Variants in SIAE observed in about 807,000 individuals in gnomAD.
The protein encoded by SIAE is sialic acid acetylesterase.
SIAE carries 39 observed loss-of-function variants against 52.6 expected under a neutral mutation model. The observed-to-expected ratio is 0.74, with a 90% CI of 0.57 to 0.97. SIAE has a LOEUF of 0.97. Ranked by LOEUF, SIAE falls within the 50% of genes least tolerant of loss-of-function variation. SIAE has a pLI of 0.00. For synonymous variants in SIAE, 233 were observed against 241.4 expected (o/e 0.97, Z 0.32); for missense variants, 592 against 662.1 (o/e 0.89, Z 1.16).
At chr11:124,654,402 G>A (rs543067878) in intron 4 of SIAE, 8 of 985,418 alleles carry the variant, frequency 8.1e-6, no homozygotes, top group East Asian at 2.3e-4. Flanking sequence ...AGCCCATGCC[G>A]AAGGGCCTTG....
chr11:124,644,700 T>C (rs1211783965), intron 7 of SIAE, among the ~76,000 whole-genome samples: 1 of 152,186 alleles, frequency 6.6e-6, no homozygotes, highest in Admixed American at 6.5e-5. Context: ...TCTGTTCAAC[T>C]GTTCCTCCAA....
intron 1 of SIAE, among the ~76,000 whole-genome samples, chr11:124,669,928 A>G (rs991454755): frequency 6.6e-6 from 1 of 152,080 alleles, no homozygotes; most frequent in Admixed American, 6.6e-5. Flanking sequence ...TCCTTTCCCT[A>G]CTTTCCATTA....
chr11:124,660,802 A>G lies in SIAE; in HGVS notation c.231T>C (p.Ala77=). The G allele has an allele frequency of 6.2e-7, 1 of 1,614,150 alleles. No individual in the cohort carries two copies. The highest frequency in any genetic ancestry group is 2.2e-5 in the East Asian group (1 of 44,880). Residue 77 remains alanine (A), a splice_region_variant and synonymous_variant, in exon 3 of 10, where the codon GCT becomes GCC. Coordinates refer to ENST00000263593, the MANE Select transcript of SIAE (RefSeq NM_170601.5). ...TIMKKVTSVK[A]HSDTWMVVLD... The stretch of plus-strand genomic sequence containing the variant: ...GTACCACCATCCACGTATCAGAGTG[A>G]GCTGAAATAGTAACAGGACTCCAAG...
chr11:124,648,005 T>C (rs775706284), intron 6 of SIAE, 61 bp downstream of exon 6: 107 of 1,243,748 alleles, frequency 8.6e-5, no homozygotes, highest in Non-Finnish European at 1.2e-4. Context: ...CGTTCTAGGG[T>C]GCTGTGTTAT....
At chr11:124,666,092 T>C (rs146849963) in intron 2 of SIAE, among the ~76,000 whole-genome samples, 3 of 152,304 alleles carry the variant, frequency 2.0e-5, no homozygotes, top group Non-Finnish European at 2.9e-5. Flanking sequence ...ACAACATCGT[T>C]TGAACCAACC....
chr11:124,642,208 C>T (rs1408391840), intron 7 of SIAE, among the ~76,000 whole-genome samples: 7 of 152,164 alleles, frequency 4.6e-5, no homozygotes, highest in Admixed American at 4.6e-4. Flanking sequence ...TGTGTGGCAT[C>T]TCAGGCATCC....
upstream of SIAE, chr11:124,675,525 C>A: frequency 1.7e-6 from 2 of 1,181,916 alleles, no homozygotes; most frequent in Non-Finnish European, 2.4e-6. Context: ...TTTTATGAGG[C>A]AGGGAGTTTC....
Position 124,645,117 on chromosome 11 carries a change from G to GTC in SIAE, c.966+2246_966+2247dup, listed in dbSNP as rs1038288569. 2.1e-4 allele frequency among the ~76,000 whole-genome samples: 32 copies of GTC among 152,268 alleles called. No individual in the cohort carries two copies. The highest frequency in any genetic ancestry group is 7.2e-4 in the African/African-American group (30 of 41,560). ...CACAGCTAGCATCTGAATGCACTTA[G>GTC]TCTAGCTCAGACTCAGTCTGAACCA... is the stretch of plus-strand genomic sequence containing the variant. On this transcript the variant is annotated intron_variant, in intron 7 of 9. Coordinates refer to ENST00000263593, the MANE Select transcript of SIAE (RefSeq NM_170601.5). This position sits in a 1 kb window ranked among gnomAD's most constrained non-coding sequence, Gnocchi z 4.7.
At chr11:124,641,999 CTT>C (rs998214641) in intron 7 of SIAE, among the ~76,000 whole-genome samples, 5 of 147,882 alleles carry the variant, frequency 3.4e-5, no homozygotes, top group Admixed American at 3.4e-4. Flanking sequence ...AAATAAAGGA[CTT>C]AACGCAGAGA....
In SIAE at chr11:124,637,111, C is replaced by A; in HGVS notation, c.1412G>T (p.Cys471Phe). The change falls in exon 10 of 10, where the codon TGT becomes TTT. Residue 471 changes from cysteine (C) to phenylalanine (F), a missense_variant. Coordinates refer to ENST00000263593, the MANE Select transcript of SIAE (RefSeq NM_170601.5). ...GCGGAGAGCAACCACAGTGCCATGA[C>A]AAGAATCGATCGCCAGGGTCAGGGA... is the stretch of plus-strand genomic sequence containing the variant. ...TQSLTLAIDS[C>F]HGTVVALRYA... is the part of the protein sequence containing the mutation. 1 of 1,614,128 alleles carries A rather than the reference C, an allele frequency of 6.2e-7. No individual in the cohort carries two copies. The highest frequency in any genetic ancestry group is 2.2e-5 in the East Asian group (1 of 44,874).
At position 124,636,458 on chromosome 11, in the gene SIAE, C is replaced by T. The variant is rs559828423; in HGVS notation, c.*493G>A. On this transcript the variant is annotated 3_prime_UTR_variant, in exon 10 of 10. Coordinates refer to ENST00000263593, the MANE Select transcript of SIAE (RefSeq NM_170601.5). ...CCACCTGTCAGGAATTTTGTAAAGA[C>T]GTCTACGGCCATATCACCCTGAACG... 3.2e-4 allele frequency: 53 copies of T among 166,388 alleles called. 1 individual carries two copies. The South Asian group carries it at 7.4e-3, about 23-fold the overall frequency. The allele number at this position is 166,388 out of a possible 1,614,324, so 10.3% of individuals were successfully genotyped here. A position where few individuals can be genotyped will look rare whatever the true frequency, so the allele number is the denominator to read the frequency against.
chr11:124,655,770 A>G (rs901244158), intron 3 of SIAE, among the ~76,000 whole-genome samples: 1 of 152,226 alleles, frequency 6.6e-6, no homozygotes, highest in Non-Finnish European at 1.5e-5. Flanking sequence ...CCCTTATACA[A>G]AATGGCATAT....
intron 1 of SIAE, among the ~76,000 whole-genome samples, chr11:124,672,775 C>G (rs1943385564): frequency 6.6e-6 from 1 of 152,134 alleles, no homozygotes; most frequent in African/African-American, 2.4e-5. Flanking sequence ...TTGTCTGAAT[C>G]TAGGTACTTT....
At chr11:124,669,567 T>A (rs1943320943) in intron 1 of SIAE, 46 bp from the exon 2 acceptor site, 4 of 1,541,408 alleles carry the variant, frequency 2.6e-6, no homozygotes, top group Non-Finnish European at 3.6e-6. Flanking sequence ...CGGAGAGATA[T>A]AGCACCAACT....
intron 1 of SIAE, among the ~76,000 whole-genome samples, chr11:124,672,952 T>C (rs1453292535): frequency 6.6e-6 from 1 of 152,214 alleles, no homozygotes; most frequent in African/African-American, 2.4e-5. Flanking sequence ...AGATTGCACC[T>C]TCTGCTTTCT....
chr11:124,668,202 C>A (rs1463287587), intron 2 of SIAE, among the ~76,000 whole-genome samples: 1 of 152,170 alleles, frequency 6.6e-6, no homozygotes, highest in African/African-American at 2.4e-5. Context: ...GGCCCAGGTA[C>A]ACTCAGGCCT....
At position 124,636,826 on chromosome 11, in the gene SIAE, C is replaced by CT; in HGVS notation, c.*124dup. ...GAATATAGAAACAGCCATGTGCTAG[C>CT]TGAAAGCCATTCAATGAGGCTTTCT... On this transcript the variant is annotated 3_prime_UTR_variant, in exon 10 of 10. Transcript: ENST00000263593. 1 of 1,352,298 alleles carries CT rather than the reference C, an allele frequency of 7.4e-7. No individual in the cohort carries two copies. 83.8% of individuals were successfully genotyped at this position (1,352,298 alleles called of 1,614,324 possible). A position where few individuals can be genotyped will look rare whatever the true frequency, so the allele number is the denominator to read the frequency against.
intron 8 of SIAE, 85 bp from the exon 9 acceptor site, chr11:124,638,822 C>T: frequency 9.3e-7 from 1 of 1,070,034 alleles, no homozygotes; most frequent in Non-Finnish European, 1.4e-6. Flanking sequence ...ATACAAAGCA[C>T]CCTTTATGAA....
chr11:124,638,654 G>A lies in SIAE; in HGVS notation c.1208C>T (p.Thr403Ile). 6.2e-7 allele frequency: 1 copy of A among 1,614,032 alleles called. No individual in the cohort carries two copies. The highest frequency in any genetic ancestry group is 8.5e-7 in the Non-Finnish European group (1 of 1,180,006). ...CTTCTCAGGCAGTGGTCCTTCAAAGGTCAAATTCTTCTCACCATAAGCCAG... is the reference window on the plus strand; with the variant it reads ...CTTCTCAGGCAGTGGTCCTTCAAAGATCAAATTCTTCTCACCATAAGCCAG... ...RALAYGEKNL[T>I]FEGPLPEKIE... The change falls in exon 9 of 10, where the codon ACC becomes ATC. Residue 403 changes from threonine (T) to isoleucine (I), a missense_variant. Physicochemically the swap from Thr to Ile is moderately conservative, Grantham distance 89. Coordinates refer to ENST00000263593, the MANE Select transcript of SIAE (RefSeq NM_170601.5).
Sources: allele counts gnomAD v4.1 joint callset (sites outside exome capture counted in the v4.1 genomes callset), GRCh38; gene constraint gnomAD v4.1.1; non-coding constraint Gnocchi (gnomAD v3.1); transcripts MANE v1.5; gene names NCBI Gene and HGNC (gene_info 2026-07-23, HGNC 2026-07-21).